The following CTNNA3 variants were observed in gnomAD, a reference collection of about 807,000 sequenced individuals.
CTNNA3 encodes catenin alpha 3.
In CTNNA3, 76 loss-of-function variants were observed where a neutral mutation model predicts 95.7. The ratio of observed to expected loss-of-function variants is 0.79; its 90% CI spans 0.66 to 0.96. The LOEUF is 0.96. Ranked by LOEUF, CTNNA3 falls within the 40% of genes least tolerant of loss-of-function variation. The pLI is 0.00. For synonymous variants in CTNNA3, 431 were observed against 374.4 expected (o/e 1.15, Z -1.74); for missense variants, 1,191 against 1,089.8 (o/e 1.09, Z -1.31).
intron 5 of CTNNA3, among the ~76,000 whole-genome samples, chr10:67,247,338 T>C (rs940320178): frequency 3.3e-5 from 5 of 152,140 alleles, no homozygotes; most frequent in Non-Finnish European, 7.4e-5. Flanking sequence ...TAGGCAAAAA[T>C]CAGTTGTACT....
At chr10:66,621,018 C>A (rs1486145630) in intron 10 of CTNNA3, among the ~76,000 whole-genome samples, 1 of 151,970 alleles carries the variant, frequency 6.6e-6, no homozygotes, top group South Asian at 2.1e-4. Context: ...GCTTCAAAAC[C>A]ATTTGTCATG....
intron 10 of CTNNA3, among the ~76,000 whole-genome samples, chr10:66,595,127 T>C (rs1165936830): frequency 6.6e-6 from 1 of 151,982 alleles, no homozygotes; most frequent in East Asian, 1.9e-4. Flanking sequence ...AGAATCCAGC[T>C]AAGATTCCAC....
In CTNNA3 at chr10:66,880,230, C is replaced by A. The variant is rs373458412; in HGVS notation, c.1048-104706G>T. On this transcript the variant is annotated intron_variant, in intron 7 of 17. Transcript: ENST00000433211. Reference sequence around the variant, plus strand: ...TCCTCATCTACCTGGACACACATTCCCTAGTTAGCTCTGGACTATGAGCTA... The same window carrying A: ...TCCTCATCTACCTGGACACACATTCACTAGTTAGCTCTGGACTATGAGCTA... 3.3e-4 allele frequency among the ~76,000 whole-genome samples: 50 copies of A among 152,086 alleles called. No individual in the cohort carries two copies. The South Asian group carries it at 0.01, about 31-fold the overall frequency.
intron 6 of CTNNA3, among the ~76,000 whole-genome samples, chr10:67,186,838 G>A (rs1000258480): frequency 2.6e-5 from 4 of 152,030 alleles, no homozygotes; most frequent in African/African-American, 7.2e-5. Flanking sequence ...ATTGCTGACA[G>A]AACATTATTT....
At chr10:67,196,713 A>G (rs1420753676) in intron 6 of CTNNA3, among the ~76,000 whole-genome samples, 6 of 152,076 alleles carry the variant, frequency 3.9e-5, no homozygotes, top group African/African-American at 1.4e-4. Flanking sequence ...TATATCAATA[A>G]TATGATAAAC....
At chr10:66,053,219 T>G (rs1174239544) in intron 15 of CTNNA3, among the ~76,000 whole-genome samples, 11 of 136,404 alleles carry the variant, frequency 8.1e-5, no homozygotes, top group Admixed American at 8.0e-4. Context: ...ATTTTTGTTT[T>G]TAAATATCAG....
At chr10:66,059,572 T>C (rs931453928) in intron 15 of CTNNA3, among the ~76,000 whole-genome samples, 4 of 152,100 alleles carry the variant, frequency 2.6e-5, no homozygotes, top group African/African-American at 9.6e-5. Context: ...TTTCTTTCCC[T>C]GTCTGCTTTG....
intron 9 of CTNNA3, among the ~76,000 whole-genome samples, chr10:66,663,976 A>T (rs1297643094): frequency 1.3e-5 from 2 of 151,946 alleles, no homozygotes; most frequent in Non-Finnish European, 2.9e-5. Context: ...AAAGAGTAAA[A>T]TTTTTTGCCA....
chr10:67,414,054 A>G (rs1845465162), intron 5 of CTNNA3, among the ~76,000 whole-genome samples: 1 of 152,082 alleles, frequency 6.6e-6, no homozygotes, highest in African/African-American at 2.4e-5. Context: ...ACCAACTCCA[A>G]AGCTAGCAAA....
intron 7 of CTNNA3, among the ~76,000 whole-genome samples, chr10:67,122,635 T>C (rs1367036972): frequency 6.6e-6 from 1 of 152,132 alleles, no homozygotes; most frequent in Admixed American, 6.5e-5. Context: ...CAAAGGAGCA[T>C]TATTACTTAT....
At chr10:66,680,191 T>C (rs1034702538) in intron 9 of CTNNA3, among the ~76,000 whole-genome samples, 1 of 151,852 alleles carries the variant, frequency 6.6e-6, no homozygotes, top group African/African-American at 2.4e-5. Context: ...TTTTTTGTTT[T>C]TTTGTTTGTT....
chr10:67,371,456 A>T (rs1843460268), intron 5 of CTNNA3, among the ~76,000 whole-genome samples: 1 of 137,296 alleles, frequency 7.3e-6, no homozygotes, highest in African/African-American at 2.8e-5. Context: ...TTCAATTCCC[A>T]CCAATGAGTG....
At chr10:66,588,379 T>G (rs745698167) in intron 10 of CTNNA3, among the ~76,000 whole-genome samples, 2 of 151,726 alleles carry the variant, frequency 1.3e-5, no homozygotes, top group Non-Finnish European at 2.9e-5. Flanking sequence ...TAGAAAGAAG[T>G]GCACATTGTG....
At position 66,341,811 on chromosome 10, in the gene CTNNA3, G is replaced by T. The variant is rs76274416; in HGVS notation, c.1732+37341C>A. Among the ~76,000 whole-genome samples the T allele has an allele frequency of 5.5e-3, 838 of 151,918 alleles. 7 individuals carry two copies. Among genetic ancestry groups the T allele is most frequent in the African/African-American group, 0.019 (784 of 41,520 alleles). ...GCTGAGTCTGTGTGCTGGTCAGGGG[G>T]TTGCTTTCTACTGTTGATATTATTC... On this transcript the variant is annotated intron_variant, in intron 12 of 17. Transcript: ENST00000433211.
intron 7 of CTNNA3, among the ~76,000 whole-genome samples, chr10:66,877,605 CCTAGGGAAG>C (rs1329101392): frequency 6.6e-6 from 1 of 152,088 alleles, no homozygotes; most frequent in African/African-American, 2.4e-5. Context: ...TTACATTGCT[CCTAGGGAAG>C]CAATGAGGAA....
intron 7 of CTNNA3, among the ~76,000 whole-genome samples, chr10:66,861,324 G>A (rs1459350222): frequency 2.0e-5 from 3 of 152,136 alleles, no homozygotes; most frequent in Non-Finnish European, 4.4e-5. Context: ...TGCACGTTCT[G>A]CCCATGTCTG....
intron 7 of CTNNA3, among the ~76,000 whole-genome samples, chr10:66,859,780 C>T (rs1220232073): frequency 5.4e-5 from 7 of 129,132 alleles, no homozygotes; most frequent in African/African-American, 9.1e-5. Context: ...TGTCCAACAA[C>T]GATAGACTGG....
At chr10:66,696,882 T>C (rs542994464) in intron 9 of CTNNA3, among the ~76,000 whole-genome samples, 2 of 152,294 alleles carry the variant, frequency 1.3e-5, no homozygotes, top group East Asian at 3.9e-4. Context: ...GAGGCGGCAG[T>C]GAGCTCTAAT....
At chr10:66,043,111 C>A (rs1206089517) in intron 15 of CTNNA3, among the ~76,000 whole-genome samples, 6 of 71,570 alleles carry the variant, frequency 8.4e-5, no homozygotes, top group African/African-American at 1.1e-4. Context: ...AAGCAGTAAA[C>A]ATAAGGTAGC....
Sources: gnomAD v4.1 joint callset for allele counts (sites outside exome capture counted in the v4.1 genomes callset) on GRCh38, gnomAD v4.1.1 for gene constraint, MANE v1.5 for transcripts, NCBI Gene and HGNC (gene_info 2026-07-23, HGNC 2026-07-21) for gene names.